Variants in TIAM1 observed in about 807,000 individuals in gnomAD.
TIAM1 encodes TIAM Rac1 associated GEF 1.
In TIAM1, 65 loss-of-function variants were observed where a neutral mutation model predicts 163.5. The observed-to-expected ratio is 0.40, with a 90% CI of 0.33 to 0.49. The LOEUF (loss-of-function observed/expected upper bound fraction) is 0.49, where lower values mean the gene tolerates loss of function less well. Among genes scored for constraint, TIAM1 ranks in the 20% least tolerant of loss-of-function variants. The probability of loss-of-function intolerance (pLI) is 0.77; values close to 1 mark genes in which losing one functional copy is unlikely to be tolerated. For missense variants in TIAM1, 1,789 were observed against 2,044.7 expected (o/e 0.87, Z 2.41); for synonymous variants, 833 against 810.1 (o/e 1.03, Z -0.48).
chr21:31,445,870 G>A (rs892834728), intron 2 of TIAM1, among the ~76,000 whole-genome samples: 5 of 152,040 alleles, frequency 3.3e-5, no homozygotes, highest in Non-Finnish European at 7.4e-5. Context: ...TAACGTTTGA[G>A]TTTTGGGAAG....
chr21:31,152,932 G>T, intron 18 of TIAM1, 134 bp downstream of exon 18: 1 of 1,257,154 alleles, frequency 8.0e-7, no homozygotes, highest in Non-Finnish European at 1.1e-6. Flanking sequence ...AGCTTAGCAG[G>T]CAATAATTTC....
Position 31,187,086 on chromosome 21 carries a change from C to A in TIAM1, c.2577G>T (p.Gly859=), listed in dbSNP as rs1044637294. 1.9e-6 allele frequency: 3 copies of A among 1,613,866 alleles called. No individual in the cohort carries two copies. The Admixed American group carries it at 5.0e-5, about 27-fold the overall frequency. Residue 859 remains glycine, a splice_region_variant and synonymous_variant, in exon 14 of 28, where the codon GGG becomes GGT. Coordinates refer to ENST00000541036, the MANE Select transcript of TIAM1 (RefSeq NM_001353694.2). The stretch of plus-strand genomic sequence containing the variant: ...CTTCTTCCACAGAAGAAAGTGAAAA[C>A]CCTGTGAAACACAAAAAGACAGAAT... ...EKSDTAADTY[G]FSLSSVEEDG...
chr21:31,460,096 C>G (rs575390254), intron 2 of TIAM1, among the ~76,000 whole-genome samples: 1 of 152,322 alleles, frequency 6.6e-6, no homozygotes, highest in South Asian at 2.1e-4. Context: ...CCAGGTCAGT[C>G]TAGCACGTGG....
intron 9 of TIAM1, among the ~76,000 whole-genome samples, chr21:31,215,691 C>T (rs2087160785): frequency 6.6e-6 from 1 of 151,940 alleles, no homozygotes; most frequent in East Asian, 1.9e-4. Flanking sequence ...GACTTTCCTC[C>T]ACAGTTTTTT....
chr21:31,491,183 C>G (rs1009845898), intron 1 of TIAM1, among the ~76,000 whole-genome samples: 1 of 143,766 alleles, frequency 7.0e-6, no homozygotes, highest in Admixed American at 6.9e-5. Context: ...AGGAAGGAGC[C>G]CAAGGATCAA....
At chr21:31,389,166 ATTC>A (rs2076928473) in intron 2 of TIAM1, among the ~76,000 whole-genome samples, 1 of 152,168 alleles carries the variant, frequency 6.6e-6, no homozygotes, top group Non-Finnish European at 1.5e-5. Flanking sequence ...ATCACAAAGT[ATTC>A]TTCTTATGAT....
intron 1 of TIAM1, among the ~76,000 whole-genome samples, chr21:31,523,576 G>A (rs1268498364): frequency 6.6e-6 from 1 of 152,122 alleles, no homozygotes; most frequent in African/African-American, 2.4e-5. Flanking sequence ...TGTGACTGTG[G>A]GCAAATCTCT....
intron 1 of TIAM1, among the ~76,000 whole-genome samples, chr21:31,554,004 T>C (rs141670356): frequency 6.6e-6 from 1 of 152,222 alleles, no homozygotes; most frequent in Non-Finnish European, 1.5e-5. Context: ...GAGCAGGAAC[T>C]AGGATTGATG....
chr21:31,490,304 TAAA>T (rs1222289028), intron 1 of TIAM1, among the ~76,000 whole-genome samples: 3 of 152,154 alleles, frequency 2.0e-5, no homozygotes, highest in African/African-American at 7.2e-5. Flanking sequence ...TCCTCAAGTT[TAAA>T]GAAGAATCTC....
At chr21:31,171,049 A>AG (rs2084488611) in intron 15 of TIAM1, among the ~76,000 whole-genome samples, 1 of 151,146 alleles carries the variant, frequency 6.6e-6, no homozygotes, top group Admixed American at 6.6e-5. Context: ...AAAAAAAAAA[A>AG]AAAAAAAAAA....
At chr21:31,260,567 C>T (rs148168496) in intron 4 of TIAM1, among the ~76,000 whole-genome samples, 1 of 151,930 alleles carries the variant, frequency 6.6e-6, no homozygotes, top group East Asian at 1.9e-4. Flanking sequence ...ACTACCTACC[C>T]ACCTTCCAAC....
intron 1 of TIAM1, among the ~76,000 whole-genome samples, chr21:31,538,199 G>A (rs997548996): frequency 2.6e-5 from 4 of 152,054 alleles, no homozygotes; most frequent in Admixed American, 6.6e-5. Flanking sequence ...ATACAATAAC[G>A]TACACTTTTC....
intron 1 of TIAM1, among the ~76,000 whole-genome samples, chr21:31,534,154 G>C (rs528114184): frequency 2.0e-5 from 3 of 152,190 alleles, no homozygotes; most frequent in Admixed American, 2.0e-4. Flanking sequence ...GTACCTCCAA[G>C]GTACAAAAAC....
intron 1 of TIAM1, among the ~76,000 whole-genome samples, chr21:31,531,185 C>T (rs1442602299): frequency 6.6e-6 from 1 of 152,204 alleles, no homozygotes; most frequent in African/African-American, 2.4e-5. Context: ...CCCCCCTTCT[C>T]TGATTGGAAT....
intron 6 of TIAM1, among the ~76,000 whole-genome samples, chr21:31,226,485 G>C (rs2146637384): frequency 6.6e-6 from 1 of 152,236 alleles, no homozygotes; most frequent in East Asian, 1.9e-4. Flanking sequence ...ACCGTCTTTG[G>C]GGACTCTATG....
At chr21:31,380,386 A>T (rs2076758134) in intron 2 of TIAM1, among the ~76,000 whole-genome samples, 1 of 152,310 alleles carries the variant, frequency 6.6e-6, no homozygotes, top group African/African-American at 2.4e-5. Flanking sequence ...TCTACTAAAA[A>T]TACAAAGTTA....
intron 2 of TIAM1, among the ~76,000 whole-genome samples, chr21:31,363,318 A>T (rs2076438433): frequency 6.6e-6 from 1 of 152,128 alleles, no homozygotes; most frequent in Admixed American, 6.5e-5. Flanking sequence ...CCTTACCCTG[A>T]CTGGTACACA....
intron 1 of TIAM1, among the ~76,000 whole-genome samples, chr21:31,549,785 C>T (rs939139678): frequency 2.0e-5 from 3 of 152,170 alleles, no homozygotes; most frequent in Non-Finnish European, 4.4e-5. Context: ...CATAGAATTA[C>T]GTATGACGTA....
At chr21:31,363,889 G>GA (rs2076452460) in intron 2 of TIAM1, among the ~76,000 whole-genome samples, 1 of 151,528 alleles carries the variant, frequency 6.6e-6, no homozygotes, top group African/African-American at 2.4e-5. Context: ...GAAACCACAG[G>GA]AAAAAAAGGG....
Sources: allele counts gnomAD v4.1 joint callset (sites outside exome capture counted in the v4.1 genomes callset), GRCh38; gene constraint gnomAD v4.1.1; transcripts MANE v1.5; gene names NCBI Gene and HGNC (gene_info 2026-07-23, HGNC 2026-07-21).